Variants in MYO1H observed in about 807,000 individuals in gnomAD.
MYO1H encodes the protein unconventional myosin-Ih.
MYO1H carries 118 observed loss-of-function variants against 149.3 expected under a neutral mutation model. That is an observed-to-expected ratio of 0.79 (90% CI 0.68 to 0.92). The LOEUF (loss-of-function observed/expected upper bound fraction) is 0.92, where lower values mean the gene tolerates loss of function less well. MYO1H is among the 40% of genes least tolerant of loss of function. The pLI is 0.00. For synonymous variants in MYO1H, 447 were observed against 465.2 expected (o/e 0.96, Z 0.50); for missense variants, 1,212 against 1,280.7 (o/e 0.95, Z 0.82).
At chr12:109,442,795 CTTTTTT>C (rs747073389) in intron 27 of MYO1H, among the ~76,000 whole-genome samples, 7 of 94,014 alleles carry the variant, frequency 7.4e-5, no homozygotes, top group Non-Finnish European at 1.3e-4. Context: ...AGTGTCTGCT[CTTTTTT>C]TTTTTTTTTT....
chr12:109,346,432 A>G (rs2048102689), upstream of MYO1H, among the ~76,000 whole-genome samples: 1 of 152,210 alleles, frequency 6.6e-6, no homozygotes, highest in Non-Finnish European at 1.5e-5. Flanking sequence ...TTATATTTCA[A>G]TTAAAAATAT....
At chr12:109,431,106 A>G (rs58148032) in intron 19 of MYO1H, among the ~76,000 whole-genome samples, 10,650 of 149,996 alleles carry the variant, frequency 0.071, 420 homozygotes, top group South Asian at 0.11. Context: ...GAGGCCAGGC[A>G]CGGTGGCTCA....
At chr12:109,447,168 C>A in exon 32 of MYO1H, 1 of 1,599,122 alleles carries the variant, frequency 6.3e-7, no homozygotes. Flanking sequence ...GGTGTCAGTC[C>A]GGAGGAAGTC....
chr12:109,393,695 A>ACATC (rs1335627046), intron 3 of MYO1H, among the ~76,000 whole-genome samples: 20 of 151,796 alleles, frequency 1.3e-4, no homozygotes, highest in African/African-American at 1.5e-4. Flanking sequence ...ATCCATCGAT[A>ACATC]CATCCATCCA....
chr12:109,436,028 G>A (rs1871843520), intron 21 of MYO1H, among the ~76,000 whole-genome samples: 1 of 152,176 alleles, frequency 6.6e-6, no homozygotes, highest in Non-Finnish European at 1.5e-5. Flanking sequence ...TGGAGGGGGT[G>A]GATGCAGGAT....
chr12:109,359,659 A>G (rs1416387369), intron 1 of MYO1H, among the ~76,000 whole-genome samples: 1 of 152,208 alleles, frequency 6.6e-6, no homozygotes, highest in Non-Finnish European at 1.5e-5. Flanking sequence ...CTGAAAGGAA[A>G]TGGAGGGCTA....
chr12:109,396,766 T>C (rs540705588), intron 4 of MYO1H, among the ~76,000 whole-genome samples, 184 bp downstream of exon 4: 4 of 151,596 alleles, frequency 2.6e-5, no homozygotes, highest in Admixed American at 1.3e-4. Context: ...TGAATGGGTC[T>C]GCTTATAGTA....
In MYO1H at chr12:109,433,030, C is replaced by T; in HGVS notation, c.2063+20C>T. On this transcript the variant is annotated intron_variant, in intron 20 of 31. Transcript: ENST00000310903. Reference sequence around the variant, plus strand: ...AGGCAAGTAAGTGACCAGAAGACCACCAAATGGTCTCTTCCCTTGACATCA... The same window carrying T: ...AGGCAAGTAAGTGACCAGAAGACCATCAAATGGTCTCTTCCCTTGACATCA... 6.4e-7 allele frequency: 1 copy of T among 1,571,572 alleles called. No homozygotes were observed. The highest frequency in any genetic ancestry group is 8.8e-7 in the Non-Finnish European group (1 of 1,141,128).
chr12:109,422,499 T>C (rs1467277857), intron 16 of MYO1H, among the ~76,000 whole-genome samples: 1 of 151,908 alleles, frequency 6.6e-6, no homozygotes, highest in African/African-American at 2.4e-5. Context: ...AACACTGGAG[T>C]GGACGTGTCT....
intron 3 of MYO1H, among the ~76,000 whole-genome samples, chr12:109,394,439 C>G (rs140622750): frequency 9.2e-5 from 14 of 152,282 alleles, no homozygotes; most frequent in Admixed American, 3.3e-4. Flanking sequence ...AACTTGAGTA[C>G]GTTTTTAGGC....
intron 12 of MYO1H, 114 bp downstream of exon 12, chr12:109,410,182 C>A (rs1870605377): frequency 1.9e-6 from 1 of 534,882 alleles, no homozygotes; most frequent in Non-Finnish European, 3.0e-6. Flanking sequence ...CACTCTGTCG[C>A]CCAGGCTGGA....
chr12:109,439,502 C>T (rs552025620), intron 23 of MYO1H, 129 bp from the exon 24 acceptor site: 1 of 902,004 alleles, frequency 1.1e-6, no homozygotes, highest in East Asian at 2.7e-5. Context: ...CAGATTTGGC[C>T]TCTGGCCTAT....
At chr12:109,440,657 G>A (rs1249237374) in intron 24 of MYO1H, 87 bp from the exon 25 acceptor site, 2 of 920,758 alleles carry the variant, frequency 2.2e-6, no homozygotes, top group East Asian at 2.7e-5. Context: ...GAATTCAGCA[G>A]TGTTTTTTTA....
At chr12:109,388,799 C>T (rs375496491) in exon 2 of MYO1H, 26 of 1,613,170 alleles carry the variant, frequency 1.6e-5, no homozygotes, top group Non-Finnish European at 2.2e-5. Context: ...GCGAATCTGC[C>T]TTTGTCGACA....
intron 1 of MYO1H, among the ~76,000 whole-genome samples, chr12:109,383,160 A>G (rs1378379363): frequency 6.6e-6 from 1 of 152,120 alleles, no homozygotes; most frequent in Admixed American, 6.6e-5. Context: ...GCTTTCCTCA[A>G]TTTTACATAT....
chr12:109,353,017 G>T (rs187117532), intron 1 of MYO1H, among the ~76,000 whole-genome samples: 2 of 152,220 alleles, frequency 1.3e-5, no homozygotes, highest in African/African-American at 2.4e-5. Context: ...GAGTCTTCAA[G>T]TGGTAACATT....
chr12:109,336,609 AAAAT>A, the MYO1H span, among the ~76,000 whole-genome samples: 5 of 152,212 alleles, frequency 3.3e-5, no homozygotes, highest in Non-Finnish European at 5.9e-5. Context: ...TCAGTAGAAA[AAAAT>A]AAGGACTTTT....
chr12:109,329,832 A>G, the MYO1H span, among the ~76,000 whole-genome samples: 8 of 152,122 alleles, frequency 5.3e-5, no homozygotes, highest in African/African-American at 1.9e-4. Flanking sequence ...AACCTCCTAC[A>G]CACTTGGACG....
chr12:109,312,775 TTTTTG>T, the MYO1H span, among the ~76,000 whole-genome samples: 18 of 128,132 alleles, frequency 1.4e-4, no homozygotes, highest in African/African-American at 5.7e-4. Context: ...TTTTGTTTGT[TTTTTG>T]TTTTGTTTTG....
Sources: gnomAD v4.1 joint callset for allele counts (sites outside exome capture counted in the v4.1 genomes callset) on GRCh38, gnomAD v4.1.1 for gene constraint, MANE v1.5 for transcripts, NCBI Gene and HGNC (gene_info 2026-07-23, HGNC 2026-07-21) for gene names.